Variants in IPMK observed in about 807,000 individuals in gnomAD.
The protein encoded by IPMK is inositol 1,3,4,6-tetrakisphosphate 5-kinase.
In IPMK, 17 loss-of-function variants were observed where a neutral mutation model predicts 45.8. The observed-to-expected ratio is 0.37, with a 90% CI of 0.25 to 0.56. The LOEUF (loss-of-function observed/expected upper bound fraction) is 0.56, where lower values mean the gene tolerates loss of function less well. Among genes scored for constraint, IPMK ranks in the 20% least tolerant of loss-of-function variants. The pLI is 0.79. For missense variants in IPMK, 399 were observed against 498.0 expected, an observed-to-expected ratio of 0.80 and a Z score of 1.89; for synonymous variants, 180 against 184.3, an observed-to-expected ratio of 0.98 and a Z score of 0.19.
At chr10:58,249,296 C>T (rs1838849243) in intron 1 of IPMK, among the ~76,000 whole-genome samples, 1 of 152,192 alleles carries the variant, frequency 6.6e-6, no homozygotes, top group Non-Finnish European at 1.5e-5. Context: ...TCATAGCTCA[C>T]TGCAGCCTCC....
rs58146130 is a variant in IPMK at position 58,217,180 on chromosome 10, G to A, written c.374-863C>T. On this transcript the variant is annotated intron_variant, in intron 3 of 5. Coordinates refer to ENST00000373935, the MANE Select transcript of IPMK (RefSeq NM_152230.5). ...GCTTTTTTTTTTTTTTTTTTTTTTA[G>A]AACACAGGCATTCCCCAAAAGTTGT... 5.0e-3 allele frequency among the ~76,000 whole-genome samples: 296 copies of A among 59,684 alleles called. 1 individual carries two copies. Among genetic ancestry groups the A allele is most frequent in the African/African-American group, 0.015 (124 of 8,170 alleles). 39.2% of individuals were successfully genotyped at this position (59,684 alleles called of 152,430 possible).
chr10:58,265,879 G>A (rs1839139930), intron 1 of IPMK, among the ~76,000 whole-genome samples: 1 of 152,124 alleles, frequency 6.6e-6, no homozygotes, highest in Non-Finnish European at 1.5e-5. Flanking sequence ...TTTATGTTGA[G>A]ATTTTTAAAA....
intron 4 of IPMK, among the ~76,000 whole-genome samples, chr10:58,205,213 A>G (rs1021170770): frequency 1.3e-5 from 2 of 152,238 alleles, no homozygotes; most frequent in Non-Finnish European, 2.9e-5. Context: ...GGTAACAAAA[A>G]AAAGTAAATT....
intron 2 of IPMK, among the ~76,000 whole-genome samples, chr10:58,236,735 CTCT>C (rs1167774749): frequency 3.3e-5 from 5 of 151,780 alleles, no homozygotes; most frequent in African/African-American, 1.2e-4. Flanking sequence ...GAAACCCTCT[CTCT>C]ACAAAAAAAA....
intron 2 of IPMK, among the ~76,000 whole-genome samples, chr10:58,232,929 T>C (rs1215688390): frequency 6.6e-6 from 1 of 151,928 alleles, no homozygotes; most frequent in Non-Finnish European, 1.5e-5. Context: ...GATAGACCAC[T>C]AGCAAGATTA....
chr10:58,201,974 T>C (rs897891687), intron 4 of IPMK, among the ~76,000 whole-genome samples: 2 of 152,194 alleles, frequency 1.3e-5, no homozygotes, highest in Non-Finnish European at 2.9e-5. Flanking sequence ...TTCAATTCTA[T>C]TAAGGCTGAG....
At chr10:58,246,295 A>G (rs1588969133) in intron 1 of IPMK, among the ~76,000 whole-genome samples, 2 of 150,966 alleles carry the variant, frequency 1.3e-5, no homozygotes, top group East Asian at 3.9e-4. Context: ...CAGAATTGGA[A>G]AAAGCTACTT....
intron 5 of IPMK, among the ~76,000 whole-genome samples, chr10:58,197,340 T>C (rs1837916470): frequency 6.8e-6 from 1 of 147,732 alleles, no homozygotes; most frequent in Admixed American, 6.8e-5. Context: ...CATAAATACA[T>C]AAACACATAA....
intron 4 of IPMK, among the ~76,000 whole-genome samples, chr10:58,208,397 G>C (rs1838104199): frequency 6.6e-6 from 1 of 152,146 alleles, no homozygotes; most frequent in Non-Finnish European, 1.5e-5. Flanking sequence ...GGGTGTTATA[G>C]AGCCCTGTTT....
intron 4 of IPMK, among the ~76,000 whole-genome samples, chr10:58,212,128 T>C (rs1321965758): frequency 6.6e-6 from 1 of 152,120 alleles, no homozygotes; most frequent in African/African-American, 2.4e-5. Context: ...CTCTCCCCTT[T>C]ACTGCAACTC....
intron 5 of IPMK, 50 bp from the exon 6 acceptor site, chr10:58,196,748 TATTTGGGAAGTA>T: frequency 1.6e-6 from 2 of 1,282,268 alleles, no homozygotes; most frequent in Non-Finnish European, 2.2e-6. Flanking sequence ...AAATAACTAT[TATTTGGGAAGTA>T]AACTCATCAC....
chr10:58,252,281 C>T (rs1048187201), intron 1 of IPMK, among the ~76,000 whole-genome samples: 5 of 152,254 alleles, frequency 3.3e-5, no homozygotes, highest in African/African-American at 1.2e-4. Context: ...ACCATATCAC[C>T]CCCGGTACTT....
chr10:58,208,026 C>T (rs2132147364), intron 4 of IPMK, among the ~76,000 whole-genome samples: 1 of 152,140 alleles, frequency 6.6e-6, no homozygotes, highest in East Asian at 1.9e-4. Context: ...CTGCAAGCTC[C>T]ACCTCCCGGG....
Position 58,267,433 on chromosome 10 carries a change from T to G in IPMK, c.179A>C (p.Lys60Thr), listed in dbSNP as rs1483267077. The G allele has an allele frequency of 6.2e-7, 1 of 1,613,772 alleles. No homozygotes were observed. Among genetic ancestry groups the G allele is most frequent in the East Asian group, 2.2e-5 (1 of 44,854 alleles). The change falls in exon 1 of 6, where the codon AAG becomes ACG. Residue 60 changes from lysine to threonine, a missense_variant. Lys to Thr is a moderately conservative substitution (Grantham distance 78, BLOSUM62 -1). Coordinates refer to ENST00000373935, the MANE Select transcript of IPMK (RefSeq NM_152230.5). ...CCACCCCCACTTACCCACTTTGTCC[T>G]TCCCGTACATGTGCCCGGCCACCTG... ...SHQVAGHMYGKDKVGILQHPD... is the reference protein window; with the variant it reads ...SHQVAGHMYGTDKVGILQHPD...
chr10:58,244,141 G>A (rs1395671469), intron 1 of IPMK, among the ~76,000 whole-genome samples: 6 of 148,890 alleles, frequency 4.0e-5, no homozygotes, highest in African/African-American at 1.5e-4. Flanking sequence ...ACCCTGTCTG[G>A]GAGGTGAGGG....
chr10:58,225,575 A>C (rs996933973), intron 3 of IPMK, among the ~76,000 whole-genome samples: 1 of 152,130 alleles, frequency 6.6e-6, no homozygotes, highest in Non-Finnish European at 1.5e-5. Context: ...TATTCATAGT[A>C]ATTATGCTGT....
chr10:58,208,475 CTTGAATAT>C (rs112270019), intron 4 of IPMK, among the ~76,000 whole-genome samples: 51,175 of 151,740 alleles, frequency 0.34, 10,814 homozygotes, highest in African/African-American at 0.61. Flanking sequence ...TCAAATTGTT[CTTGAATAT>C]ATTTTTGATT....
chr10:58,225,093 T>C (rs981717871), intron 3 of IPMK, among the ~76,000 whole-genome samples: 4 of 152,200 alleles, frequency 2.6e-5, no homozygotes, highest in African/African-American at 9.6e-5. Flanking sequence ...TCTGTTATCA[T>C]ATACACTTTA....
intron 2 of IPMK, among the ~76,000 whole-genome samples, chr10:58,227,926 CG>C (rs1056909285): frequency 4.6e-5 from 7 of 152,080 alleles, no homozygotes; most frequent in African/African-American, 1.7e-4. Flanking sequence ...AAAATGCTTA[CG>C]AAAACTTAGT....
Sources: gnomAD v4.1 joint callset for allele counts (sites outside exome capture counted in the v4.1 genomes callset) on GRCh38, gnomAD v4.1.1 for gene constraint, MANE v1.5 for transcripts, NCBI Gene and HGNC (gene_info 2026-07-23, HGNC 2026-07-21) for gene names.